Variants in RANBP9 observed in about 807,000 individuals in gnomAD.
RANBP9 encodes RAN binding protein 9, also known as ran-binding protein 9.
Under a neutral mutation model 84.3 loss-of-function variants are expected in RANBP9, and 15 were observed. That is an observed-to-expected ratio of 0.18 (90% CI 0.12 to 0.27). The LOEUF (loss-of-function observed/expected upper bound fraction) is 0.27, where lower values mean the gene tolerates loss of function less well. Ranked by LOEUF, RANBP9 falls within the 10% of genes least tolerant of loss-of-function variation. The pLI, the probability that RANBP9 is intolerant of heterozygous loss-of-function variation, is 1.00. For missense variants in RANBP9, 809 were observed against 912.8 expected (o/e 0.89, Z 1.46); for synonymous variants, 392 against 349.6 (o/e 1.12, Z -1.35).
At position 13,696,452 on chromosome 6, in the gene RANBP9, G is replaced by GC. The variant is rs554253632; in HGVS notation, c.683+332_683+333insG. Among the ~76,000 whole-genome samples, 507 of 152,272 alleles carry GC rather than the reference G, an allele frequency of 3.3e-3. 2 individuals carry two copies. The highest frequency in any genetic ancestry group is 0.012 in the African/African-American group (493 of 41,570). The stretch of plus-strand genomic sequence containing the variant: ...AATCACCAACTGACTATGATTACTA[G>GC]TTTGAGAGGATTTAACTTCTTAGCA... On this transcript the variant is annotated intron_variant, in intron 2 of 13. Coordinates refer to ENST00000011619, the MANE Select transcript of RANBP9 (RefSeq NM_005493.3).
At chr6:13,622,585 C>T (rs1332837457) in intron 13 of RANBP9, 93 bp from the exon 14 acceptor site, 1 of 1,301,450 alleles carries the variant, frequency 7.7e-7, no homozygotes, top group Non-Finnish European at 1.0e-6. Flanking sequence ...ACTTTAAAAA[C>T]TACCACTCCC....
At chr6:13,652,827 A>T (rs750461109) in intron 4 of RANBP9, 146 bp from the exon 5 acceptor site, 1 of 658,900 alleles carries the variant, frequency 1.5e-6, no homozygotes. Flanking sequence ...ACTAATTTTT[A>T]ATCAATAATA....
At position 13,621,522 on chromosome 6, in the gene RANBP9, C is replaced by G. The variant is rs1764444977; in HGVS notation, c.*840G>C. On this transcript the variant is annotated 3_prime_UTR_variant, in exon 14 of 14. Transcript: ENST00000011619. ...ATCTGTAGAAGTAAATTTTTAATGG[C>G]TGGTTAATTATATCACTACATTTTA... 6.6e-6 allele frequency: 1 copy of G among 152,486 alleles called. No homozygotes were observed. Among genetic ancestry groups the G allele is most frequent in the Non-Finnish European group, 1.5e-5 (1 of 68,008 alleles). The allele number at this position is 152,486 out of a possible 1,614,324, so 9.4% of individuals were successfully genotyped here.
Position 13,711,450 on chromosome 6 carries a change from AGCTGCTGCTGCTGTT to A in RANBP9, c.41_55del (p.Gln14_Gln18del), listed in dbSNP as rs947392323. 1.6e-5 allele frequency: 20 copies of A among 1,215,656 alleles called. No individual in the cohort carries two copies. Among genetic ancestry groups the A allele is most frequent in the Middle Eastern group, 3.3e-4 (1 of 3,028 alleles). 75.3% of individuals were successfully genotyped at this position (1,215,656 alleles called of 1,614,324 possible). On this transcript the variant is annotated inframe_deletion, in exon 1 of 14. Coordinates refer to ENST00000011619, the MANE Select transcript of RANBP9 (RefSeq NM_005493.3). ...CAAGGCCGCCGGCGGTGGCGGCGAC[AGCTGCTGCTGCTGTT>A]GCTGCTGCTGCGGCGGCGGCGGCGG...
At chr6:13,631,707 A>G (rs1764786618) in intron 12 of RANBP9, among the ~76,000 whole-genome samples, 1 of 152,220 alleles carries the variant, frequency 6.6e-6, no homozygotes, top group Non-Finnish European at 1.5e-5. Flanking sequence ...CCAACTGTTA[A>G]AGAGCTGTAC....
intron 2 of RANBP9, among the ~76,000 whole-genome samples, chr6:13,677,655 T>C (rs1401307482): frequency 6.6e-6 from 1 of 152,210 alleles, no homozygotes; most frequent in South Asian, 2.1e-4. Context: ...AATTCACAAG[T>C]TACCAATCTT....
At chr6:13,708,268 A>T (rs1037651873) in intron 1 of RANBP9, among the ~76,000 whole-genome samples, 25 of 152,112 alleles carry the variant, frequency 1.6e-4, no homozygotes, top group Non-Finnish European at 2.9e-5. Context: ...CAAAAAAAAA[A>T]ATTACAACTT....
intron 11 of RANBP9, among the ~76,000 whole-genome samples, chr6:13,633,634 C>T (rs1251985613): frequency 1.3e-5 from 2 of 152,172 alleles, no homozygotes; most frequent in Non-Finnish European, 2.9e-5. Flanking sequence ...AGAACTCCTG[C>T]TCTTTATCAC....
In RANBP9 at chr6:13,656,809, T is replaced by C. The variant is rs3909219; in HGVS notation, c.904+300A>G. On this transcript the variant is annotated intron_variant, in intron 4 of 13. Coordinates refer to ENST00000011619, the MANE Select transcript of RANBP9 (RefSeq NM_005493.3). ...GAGAATTAGATTATACTGTGTAGCG[T>C]TTTATTTAAAGTAGAAAACTCTTGG... Among the ~76,000 whole-genome samples, 322 of 152,304 alleles carry C rather than the reference T, an allele frequency of 2.1e-3. 6 individuals are homozygous for C. Among genetic ancestry groups the C allele is most frequent in the East Asian group, 0.018 (92 of 5,184 alleles).
intron 2 of RANBP9, among the ~76,000 whole-genome samples, chr6:13,694,780 G>A (rs111461394): frequency 1.1e-4 from 16 of 152,010 alleles, no homozygotes; most frequent in African/African-American, 2.9e-4. Flanking sequence ...GCATATCAAC[G>A]CTGTATTTAC....
intron 12 of RANBP9, among the ~76,000 whole-genome samples, chr6:13,632,077 G>C (rs1486491205): frequency 7.4e-6 from 1 of 135,816 alleles, no homozygotes; most frequent in Non-Finnish European, 1.5e-5. Context: ...AAGTTAACGA[G>C]GACACACAAT....
At chr6:13,634,796 T>C (rs1167767894) in intron 10 of RANBP9, among the ~76,000 whole-genome samples, 1 of 152,194 alleles carries the variant, frequency 6.6e-6, no homozygotes. Context: ...ATGTAGTGGT[T>C]TTATGACTTT....
At chr6:13,706,160 C>G (rs1184404123) in intron 1 of RANBP9, among the ~76,000 whole-genome samples, 1 of 151,292 alleles carries the variant, frequency 6.6e-6, no homozygotes, top group East Asian at 2.0e-4. Flanking sequence ...TTGGCTAACA[C>G]GGTGAAACCC....
intron 1 of RANBP9, among the ~76,000 whole-genome samples, chr6:13,706,830 C>T (rs1291090365): frequency 1.3e-5 from 2 of 151,788 alleles, no homozygotes; most frequent in Non-Finnish European, 2.9e-5. Context: ...GGTGAAACCC[C>T]GTCTCTACTA....
chr6:13,622,331 C>T lies in RANBP9; in HGVS notation c.*31G>A. 6.8e-7 allele frequency: 1 copy of T among 1,477,968 alleles called. No individual in the cohort carries two copies. The highest frequency in any genetic ancestry group is 9.0e-7 in the Non-Finnish European group (1 of 1,108,642). The allele number at this position is 1,477,968 out of a possible 1,614,324, so 91.6% of individuals were successfully genotyped here. On this transcript the variant is annotated 3_prime_UTR_variant, in exon 14 of 14. Coordinates refer to ENST00000011619, the MANE Select transcript of RANBP9 (RefSeq NM_005493.3). ...CTACTTCCATGTTGACTATATGCCA[C>T]AATATAAGTGTGAGCTCTTGAAATG...
intron 1 of RANBP9, among the ~76,000 whole-genome samples, chr6:13,701,770 CAA>C (rs942062687): frequency 7.5e-6 from 1 of 134,218 alleles, no homozygotes. Context: ...GGCTCCATCT[CAA>C]AAAAAAAAAA....
At chr6:13,707,337 CT>C (rs1237431116) in intron 1 of RANBP9, among the ~76,000 whole-genome samples, 1 of 152,176 alleles carries the variant, frequency 6.6e-6, no homozygotes, top group African/African-American at 2.4e-5. Context: ...TATTTCATTG[CT>C]TCCTATAATT....
chr6:13,656,177 G>A (rs1765395923), intron 4 of RANBP9, among the ~76,000 whole-genome samples: 1 of 152,092 alleles, frequency 6.6e-6, no homozygotes, highest in South Asian at 2.1e-4. Flanking sequence ...TTGTGTTAAA[G>A]AACATCTATT....
intron 1 of RANBP9, among the ~76,000 whole-genome samples, chr6:13,703,276 C>T (rs776457655): frequency 6.6e-6 from 1 of 152,068 alleles, no homozygotes; most frequent in Non-Finnish European, 1.5e-5. Flanking sequence ...CTTCAGGGTC[C>T]CCATCTTTGG....
Sources: allele counts gnomAD v4.1 joint callset (sites outside exome capture counted in the v4.1 genomes callset), GRCh38; gene constraint gnomAD v4.1.1; transcripts MANE v1.5; gene names NCBI Gene and HGNC (gene_info 2026-07-23, HGNC 2026-07-21).